Variants in PAX8 observed in about 807,000 individuals in gnomAD.
The protein encoded by PAX8 is paired box 8.
In PAX8, 15 loss-of-function variants were observed where a neutral mutation model predicts 52.4. That is an observed-to-expected ratio of 0.29 (90% confidence interval 0.19 to 0.44). The LOEUF (loss-of-function observed/expected upper bound fraction) is 0.44, where lower values mean the gene tolerates loss of function less well. Among genes scored for constraint, PAX8 ranks in the 20% least tolerant of loss-of-function variants. The pLI is 1.00. For synonymous variants in PAX8, 284 were observed against 249.7 expected, an observed-to-expected ratio of 1.14 and a Z score of -1.29; for missense variants, 554 against 602.5, an observed-to-expected ratio of 0.92 and a Z score of 0.84.
chr2:113,232,325 C>T (rs1348206386), intron 9 of PAX8, among the ~76,000 whole-genome samples: 1 of 152,200 alleles, frequency 6.6e-6, no homozygotes, highest in Non-Finnish European at 1.5e-5. Flanking sequence ...TTGCCTGGAC[C>T]CCAGATCCTC....
At chr2:113,254,701 C>G (rs1049742960) in intron 2 of PAX8, among the ~76,000 whole-genome samples, 3 of 152,216 alleles carry the variant, frequency 2.0e-5, no homozygotes, top group African/African-American at 7.2e-5. Flanking sequence ...ACTTAGTGTT[C>G]AAGCCTCATT....
At chr2:113,252,748 G>T (rs1274186453) in intron 2 of PAX8, among the ~76,000 whole-genome samples, 2 of 152,136 alleles carry the variant, frequency 1.3e-5, no homozygotes, top group African/African-American at 2.4e-5. Context: ...TTCTACCTGT[G>T]CTGGAATCCT....
At chr2:113,235,813 G>T in intron 8 of PAX8, 1 of 537,222 alleles carries the variant, frequency 1.9e-6, no homozygotes, top group Non-Finnish European at 3.3e-6. Context: ...AGACCCGGAA[G>T]GCGTGTGTGC....
rs751042114 is a variant in PAX8, at chr2:113,220,097, A to G, written c.1271T>C (p.Leu424Ser). ...GGGCAGCCCCAGGGACTTACTCAGCAAGCTGGAGTTGGGGAAGCGCCAGGC... is the reference window on the plus strand; with the variant it reads ...GGGCAGCCCCAGGGACTTACTCAGCGAGCTGGAGTTGGGGAAGCGCCAGGC... ...SEAWRFPNSS[L>S]LSSPYYYSST... Residue 424 changes from leucine to serine, a missense_variant, in exon 11 of 12, where the codon TTG becomes TCG. Around this residue, in one of 2 missense-constraint regions of PAX8, gnomAD observed 445 missense variants for 409.9 expected, o/e 1.09. Coordinates refer to ENST00000429538, the MANE Select transcript of PAX8 (RefSeq NM_003466.4). The G allele has an allele frequency of 5.6e-6, 9 of 1,612,628 alleles. No homozygotes were observed. The African/African-American group carries it at 9.3e-5, about 17-fold the overall frequency.
intron 2 of PAX8, among the ~76,000 whole-genome samples, chr2:113,264,434 G>A (rs546274876): frequency 6.6e-6 from 1 of 152,330 alleles, no homozygotes; most frequent in Non-Finnish European, 1.5e-5. Flanking sequence ...TCATGGGAAA[G>A]GATCAGGTGT....
In PAX8 at chr2:113,235,471, G is replaced by A. The variant is rs895839832; in HGVS notation, c.1010C>T (p.Ser337Phe). ...SAFLDLQQVGSGVPPFNAFPH... is the reference protein window; with the variant it reads ...SAFLDLQQVGFGVPPFNAFPH... ...AAAGGCATTGAAGGGCGGGACCCCGGAGCCGACTTGCTGCAGATCCAAAAA... is the reference window on the plus strand; with the variant it reads ...AAAGGCATTGAAGGGCGGGACCCCGAAGCCGACTTGCTGCAGATCCAAAAA... Residue 337 changes from serine to phenylalanine, a missense_variant, in exon 9 of 12, where the codon TCC becomes TTC. Physicochemically the swap from Ser to Phe is radical, Grantham distance 155. Coordinates refer to ENST00000429538, the MANE Select transcript of PAX8 (RefSeq NM_003466.4). 1 of 1,613,062 alleles carries A rather than the reference G, an allele frequency of 6.2e-7. No homozygotes were observed. Among genetic ancestry groups the A allele is most frequent in the Non-Finnish European group, 8.5e-7 (1 of 1,179,546 alleles).
intron 2 of PAX8, among the ~76,000 whole-genome samples, chr2:113,250,581 G>C (rs1691686512): frequency 6.6e-6 from 1 of 152,200 alleles, no homozygotes; most frequent in Non-Finnish European, 1.5e-5. Context: ...TGCTAATGCT[G>C]CTAGGCCAGG....
chr2:113,236,977 C>A (rs1450707665), intron 7 of PAX8: 2 of 526,684 alleles, frequency 3.8e-6, no homozygotes, highest in Non-Finnish European at 6.8e-6. Context: ...AGCCAGAGGA[C>A]CACACCCTGG....
At chr2:113,266,436 G>T (rs1693061803) in intron 2 of PAX8, 1 of 152,270 alleles carries the variant, frequency 6.6e-6, no homozygotes, top group South Asian at 2.1e-4. Context: ...TTGTAGGAAA[G>T]TCAAGGTGAG....
intron 2 of PAX8, among the ~76,000 whole-genome samples, chr2:113,252,305 A>T (rs968077883): frequency 1.3e-5 from 2 of 152,220 alleles, no homozygotes; most frequent in East Asian, 3.8e-4. Flanking sequence ...CATGCGAATC[A>T]GTCCCTGGCA....
At chr2:113,231,583 G>C (rs1228911447) in intron 9 of PAX8, among the ~76,000 whole-genome samples, 1 of 152,182 alleles carries the variant, frequency 6.6e-6, no homozygotes, top group African/African-American at 2.4e-5. Context: ...AGGGTCCTTG[G>C]GAGTCACTCA....
At chr2:113,235,709 G>A in intron 8 of PAX8, 127 bp from the exon 9 acceptor site, 1 of 714,848 alleles carries the variant, frequency 1.4e-6, no homozygotes, top group Non-Finnish European at 2.3e-6. Context: ...TGCCCTCAGA[G>A]TCTGGGCTGG....
rs369212600 is a variant in PAX8, at chr2:113,278,419, C to T, written c.-25G>A. The T allele has an allele frequency of 9.3e-6, 15 of 1,610,542 alleles. No homozygotes were observed. The highest frequency in any genetic ancestry group is 1.3e-5 in the African/African-American group (1 of 74,890). On this transcript the variant is annotated 5_prime_UTR_variant, in exon 2 of 12. Coordinates refer to ENST00000429538, the MANE Select transcript of PAX8 (RefSeq NM_003466.4). ...TCGCCGGGGAGTCGCTCGCAGCCCG[C>T]CGAGGGCTCGGGGCTTCCTCCCGTA...
At chr2:113,237,592 C>T (rs1690469952) in intron 7 of PAX8, 1 of 152,156 alleles carries the variant, frequency 6.6e-6, no homozygotes, top group East Asian at 1.9e-4. Flanking sequence ...ATCAGTAAGA[C>T]CTCATTTTAG....
chr2:113,232,118 G>A (rs750103316), intron 9 of PAX8, among the ~76,000 whole-genome samples: 1 of 151,938 alleles, frequency 6.6e-6, no homozygotes, highest in African/African-American at 2.4e-5. Flanking sequence ...CTTCCCCACC[G>A]CCCCCCGTCA....
At position 113,278,354 on chromosome 2, in the gene PAX8, C is replaced by A. The variant is rs754602567; in HGVS notation, c.25+16G>T. 8 of 1,585,756 alleles carry A rather than the reference C, an allele frequency of 5.0e-6. No individual in the cohort carries two copies. The highest frequency in any genetic ancestry group is 6.0e-6 in the Non-Finnish European group (7 of 1,157,068). On this transcript the variant is annotated intron_variant, in intron 2 of 11. Coordinates refer to ENST00000429538, the MANE Select transcript of PAX8 (RefSeq NM_003466.4). ...GGCGCGGGGGCTCGGGGATCCTGAC[C>A]ACACCGCGTTCTTACCAGATCTGAT...
chr2:113,235,532 A>C lies in PAX8; in HGVS notation c.949T>G (p.Ser317Ala), dbSNP rs1690210021. 1 of 1,613,940 alleles carries C rather than the reference A, an allele frequency of 6.2e-7. No homozygotes were observed. Among genetic ancestry groups the C allele is most frequent in the Non-Finnish European group, 8.5e-7 (1 of 1,179,866 alleles). The change falls in exon 9 of 12, where the codon TCT becomes GCT. Residue 317 changes from serine to alanine, a missense_variant. By Grantham distance (99) the Ser-to-Ala change is moderately conservative. Transcript: ENST00000429538. ...IKQETPEVSS[S>A]SSTPSSLSSS... ...GATAAAGAGGAAGGGGTGGAGCTAG[A>C]ACTGGACACCTCGGGGGTTTCCTGC...
chr2:113,269,559 G>C (rs1693327103), intron 2 of PAX8: 1 of 152,156 alleles, frequency 6.6e-6, no homozygotes, highest in Non-Finnish European at 1.5e-5. Flanking sequence ...TGAAGCAAAG[G>C]AGCAAAGCAA....
chr2:113,219,283 G>T (rs1052356655), intron 11 of PAX8, among the ~76,000 whole-genome samples: 1 of 152,188 alleles, frequency 6.6e-6, no homozygotes, highest in Admixed American at 6.5e-5. Context: ...GGGAATGGAT[G>T]GTTCCTAGCC....
Sources: gnomAD v4.1 joint callset for allele counts (sites outside exome capture counted in the v4.1 genomes callset) on GRCh38, gnomAD v4.1.1 for gene constraint, gnomAD v4.1.1 regional missense constraint, MANE v1.5 for transcripts, NCBI Gene and HGNC (gene_info 2026-07-23, HGNC 2026-07-21) for gene names.